The following AUH variants were observed in gnomAD, a reference collection of about 807,000 sequenced individuals.
AUH encodes the protein methylglutaconyl-CoA hydratase, mitochondrial.
Under a neutral mutation model 42.3 loss-of-function variants are expected in AUH, and 29 were observed. The ratio of observed to expected loss-of-function variants is 0.69; its 90% CI spans 0.51 to 0.93. The LOEUF (loss-of-function observed/expected upper bound fraction) is 0.93. AUH is among the 40% of genes least tolerant of loss of function. AUH has a pLI of 0.00. For synonymous variants in AUH, 174 were observed against 166.4 expected, an observed-to-expected ratio of 1.05 and a Z score of -0.35; for missense variants, 452 against 438.1, an observed-to-expected ratio of 1.03 and a Z score of -0.28.
At chr9:91,279,493 A>AGCATCTGCTTCT (rs1379812909) in intron 6 of AUH, among the ~76,000 whole-genome samples, 2 of 152,202 alleles carry the variant, frequency 1.3e-5, no homozygotes, top group Non-Finnish European at 2.9e-5. Flanking sequence ...GTGCTGTATC[A>AGCATCTGCTTCT]GCATCTGCTT....
chr9:91,307,314 C>T (rs1828304249), intron 4 of AUH, among the ~76,000 whole-genome samples: 1 of 152,142 alleles, frequency 6.6e-6, no homozygotes, highest in Admixed American at 6.5e-5. Flanking sequence ...AAAGAAAGTA[C>T]ACTGGTTTCT....
At chr9:91,298,130 G>A (rs1001047467) in intron 4 of AUH, 54 bp from the exon 5 acceptor site, 3 of 1,387,288 alleles carry the variant, frequency 2.2e-6, no homozygotes, top group Non-Finnish European at 3.1e-6. Context: ...ATCTCACTGT[G>A]TAATTCATTT....
chr9:91,217,378 T>C, intron 7 of AUH, 51 bp from the exon 8 acceptor site: 2 of 1,557,352 alleles, frequency 1.3e-6, no homozygotes, highest in Non-Finnish European at 1.8e-6. Context: ...ATGCAAATTA[T>C]GTCGTATATC....
chr9:91,332,322 C>T (rs1449081695), intron 3 of AUH, among the ~76,000 whole-genome samples: 2 of 151,838 alleles, frequency 1.3e-5, no homozygotes, highest in African/African-American at 2.4e-5. Context: ...GCCAAAATGG[C>T]GACACCCCGA....
intron 4 of AUH, among the ~76,000 whole-genome samples, chr9:91,299,843 C>T (rs982279241): frequency 3.4e-4 from 51 of 152,108 alleles, no homozygotes; most frequent in African/African-American, 1.2e-3. Flanking sequence ...TAGACCTCCT[C>T]AACCTACTAT....
intron 4 of AUH, among the ~76,000 whole-genome samples, chr9:91,316,703 G>A (rs1829186504): frequency 6.6e-6 from 1 of 152,122 alleles, no homozygotes; most frequent in Non-Finnish European, 1.5e-5. Context: ...TTTCTGTCAT[G>A]TCCTCTTGCT....
chr9:91,308,312 G>A (rs186618644), intron 4 of AUH, among the ~76,000 whole-genome samples: 22 of 152,306 alleles, frequency 1.4e-4, no homozygotes, highest in Admixed American at 6.5e-4. Flanking sequence ...AGTGAGCTAT[G>A]ACTGTGCCAC....
intron 6 of AUH, among the ~76,000 whole-genome samples, chr9:91,274,226 G>C (rs1042303745): frequency 6.6e-6 from 1 of 152,118 alleles, no homozygotes; most frequent in Non-Finnish European, 1.5e-5. Context: ...AAAATATAGA[G>C]AAAATCATTT....
chr9:91,214,467 C>T (rs1378394515), intron 9 of AUH, 42 bp from the exon 10 acceptor site: 2 of 1,506,096 alleles, frequency 1.3e-6, no homozygotes, highest in South Asian at 1.2e-5. Context: ...AATGTTAAAA[C>T]AACTGTAAAA....
At position 91,256,563 on chromosome 9, in the gene AUH, C is replaced by T. The variant is rs1426003730; in HGVS notation, c.656-35571G>A. Among the ~76,000 whole-genome samples the T allele has an allele frequency of 2.6e-5, 4 of 152,072 alleles. No individual in the cohort carries two copies. The South Asian group carries it at 6.2e-4, about 24-fold the overall frequency. On this transcript the variant is annotated intron_variant, in intron 6 of 9. Transcript: ENST00000375731. ...CTTAACAAGGAGGGCTGGGATTTTG[C>T]CTCTGCTTGCTCCTTCCCCACCTTG...
At chr9:91,323,116 C>T (rs570393245) in intron 4 of AUH, among the ~76,000 whole-genome samples, 6 of 152,144 alleles carry the variant, frequency 3.9e-5, no homozygotes, top group South Asian at 2.1e-4. Flanking sequence ...AGGATGATCA[C>T]GCTCACCTTA....
At chr9:91,279,678 T>C (rs1825814645) in intron 6 of AUH, among the ~76,000 whole-genome samples, 1 of 152,178 alleles carries the variant, frequency 6.6e-6, no homozygotes, top group Admixed American at 6.5e-5. Flanking sequence ...AAGCTGTTCA[T>C]GGGAAATCTG....
At chr9:91,313,120 C>T (rs1409954499) in intron 4 of AUH, among the ~76,000 whole-genome samples, 1 of 152,108 alleles carries the variant, frequency 6.6e-6, no homozygotes, top group Non-Finnish European at 1.5e-5. Flanking sequence ...ACTTACTGAG[C>T]TGATTCAGGT....
chr9:91,249,027 T>C (rs1302962539), intron 6 of AUH, among the ~76,000 whole-genome samples: 2 of 152,080 alleles, frequency 1.3e-5, no homozygotes, highest in Non-Finnish European at 2.9e-5. Context: ...CCAGGCACGG[T>C]GGCTTACACC....
At chr9:91,288,217 G>A (rs912227993) in intron 6 of AUH, among the ~76,000 whole-genome samples, 3 of 152,010 alleles carry the variant, frequency 2.0e-5, no homozygotes, top group Admixed American at 6.6e-5. Context: ...AACAAAGAGC[G>A]GGAATTAGAA....
intron 6 of AUH, among the ~76,000 whole-genome samples, chr9:91,266,119 T>C (rs1044808783): frequency 2.0e-5 from 3 of 152,042 alleles, no homozygotes; most frequent in African/African-American, 7.2e-5. Context: ...TCCCAGCACT[T>C]TGGGAGGCTG....
chr9:91,233,526 C>T (rs1404235881), intron 6 of AUH, among the ~76,000 whole-genome samples: 2 of 152,250 alleles, frequency 1.3e-5, no homozygotes, highest in Middle Eastern at 3.4e-3. Flanking sequence ...AAGATTTGAG[C>T]TTGTCAACCT....
chr9:91,248,912 C>G (rs1324819346), intron 6 of AUH, among the ~76,000 whole-genome samples: 1 of 152,132 alleles, frequency 6.6e-6, no homozygotes, highest in Non-Finnish European at 1.5e-5. Context: ...ATTTTTGGCT[C>G]ACGGTCAACA....
chr9:91,216,222 T>G, intron 8 of AUH, 116 bp from the exon 9 acceptor site: 1 of 1,029,686 alleles, frequency 9.7e-7, no homozygotes, highest in Non-Finnish European at 1.5e-6. Context: ...TTTGATATAG[T>G]ACAGCAGATC....
Sources: gnomAD v4.1 joint callset for allele counts (sites outside exome capture counted in the v4.1 genomes callset) on GRCh38, gnomAD v4.1.1 for gene constraint, MANE v1.5 for transcripts, NCBI Gene and HGNC (gene_info 2026-07-23, HGNC 2026-07-21) for gene names.